Variants in XKR4 observed in about 807,000 individuals in gnomAD.
XKR4 encodes XK-related protein 4.
XKR4 carries 12 observed loss-of-function variants against 53.9 expected under a neutral mutation model. The ratio of observed to expected loss-of-function variants is 0.22; its 90% CI spans 0.14 to 0.36. The LOEUF (loss-of-function observed/expected upper bound fraction) is 0.36, where lower values mean the gene tolerates loss of function less well. Ranked by LOEUF, XKR4 falls within the 10% of genes least tolerant of loss-of-function variation. The pLI is 1.00. For synonymous variants in XKR4, 354 were observed against 362.4 expected, an observed-to-expected ratio of 0.98 and a Z score of 0.26; for missense variants, 799 against 859.5, an observed-to-expected ratio of 0.93 and a Z score of 0.88.
At chr8:55,460,003 C>G (rs1170697130) in intron 2 of XKR4, among the ~76,000 whole-genome samples, 1 of 130,056 alleles carries the variant, frequency 7.7e-6, no homozygotes, top group African/African-American at 2.7e-5. Flanking sequence ...TCATAATAGC[C>G]AAATGCTGAA....
At chr8:55,303,148 C>A (rs1470659527) in intron 1 of XKR4, among the ~76,000 whole-genome samples, 1 of 152,094 alleles carries the variant, frequency 6.6e-6, no homozygotes, top group Non-Finnish European at 1.5e-5. Flanking sequence ...ATAGATAGAT[C>A]TTATTATTTT....
chr8:55,529,770 T>G lies in XKR4; in HGVS notation c.*5543T>G, dbSNP rs558733261. The G allele has an allele frequency of 6.6e-6, 1 of 152,236 alleles. No individual in the cohort carries two copies. The highest frequency in any genetic ancestry group is 2.1e-4 in the South Asian group (1 of 4,816). 9.4% of individuals were successfully genotyped at this position (152,236 alleles called of 1,614,324 possible). On this transcript the variant is annotated 3_prime_UTR_variant, in exon 3 of 3. Coordinates refer to ENST00000327381, the MANE Select transcript of XKR4 (RefSeq NM_052898.2). Reference sequence around the variant, plus strand: ...ACAGAATCATGGTCTGATGATCAAATTTTTCCAAGAAAATTTTATTTAAAA... The same window carrying G: ...ACAGAATCATGGTCTGATGATCAAAGTTTTCCAAGAAAATTTTATTTAAAA...
At chr8:55,498,978 C>G (rs951139430) in intron 2 of XKR4, among the ~76,000 whole-genome samples, 4 of 152,236 alleles carry the variant, frequency 2.6e-5, no homozygotes, top group Non-Finnish European at 4.4e-5. Flanking sequence ...CAGTCTGCCT[C>G]AGGGGCAAGA....
Position 55,303,076 on chromosome 8 carries a change from G to A in XKR4, c.807-54602G>A, listed in dbSNP as rs576075907. 1.6e-4 allele frequency among the ~76,000 whole-genome samples: 25 copies of A among 152,290 alleles called. 1 individual carries two copies. The South Asian group carries it at 2.5e-3, about 15-fold the overall frequency. ...GAGAAGGCATCCATGTCTTGTGCCC[G>A]TTTTCAAAGGGAATGCTTCCAGTTT... On this transcript the variant is annotated intron_variant, in intron 1 of 2. Transcript: ENST00000327381.
At chr8:55,229,983 G>A (rs1308229298) in intron 1 of XKR4, among the ~76,000 whole-genome samples, 1 of 150,420 alleles carries the variant, frequency 6.6e-6, no homozygotes, top group African/African-American at 2.5e-5. Context: ...CTGCTCCTCC[G>A]TTGCCTGGTG....
intron 1 of XKR4, among the ~76,000 whole-genome samples, chr8:55,190,067 A>G (rs1817425018): frequency 6.6e-6 from 1 of 152,218 alleles, no homozygotes. Context: ...CACCTGAAAC[A>G]TTGGCTTTAA....
intron 1 of XKR4, among the ~76,000 whole-genome samples, chr8:55,303,648 G>A (rs934230709): frequency 7.9e-5 from 12 of 152,162 alleles, no homozygotes; most frequent in African/African-American, 2.7e-4. Context: ...TGGTTGGTAA[G>A]CTATTGATTA....
intron 2 of XKR4, among the ~76,000 whole-genome samples, chr8:55,502,112 T>C (rs1217904426): frequency 3.0e-4 from 45 of 152,212 alleles, no homozygotes; most frequent in Admixed American, 2.9e-3. Flanking sequence ...CCATCCTCTT[T>C]TTTCAAATAT....
At chr8:55,293,453 T>C (rs571274286) in intron 1 of XKR4, among the ~76,000 whole-genome samples, 3 of 152,326 alleles carry the variant, frequency 2.0e-5, no homozygotes, top group Admixed American at 2.0e-4. Context: ...TCTTATAAAA[T>C]TAGTGTAAGA....
intron 1 of XKR4, among the ~76,000 whole-genome samples, chr8:55,207,732 A>AGGAGGAAGAGGAAGAGGG (rs1283116636): frequency 2.0e-5 from 3 of 151,730 alleles, no homozygotes; most frequent in East Asian, 3.9e-4. Context: ...CATAAAGAAG[A>AGGAGGAAGAGGAAGAGGG]GGAGGAAGAG....
intron 1 of XKR4, among the ~76,000 whole-genome samples, chr8:55,246,147 G>A (rs1035695461): frequency 4.6e-5 from 7 of 152,120 alleles, no homozygotes; most frequent in Admixed American, 2.0e-4. Flanking sequence ...TTTAGGGATG[G>A]TGCCTACTTT....
intron 2 of XKR4, chr8:55,454,116 G>T: frequency 1.2e-6 from 1 of 837,918 alleles, no homozygotes; most frequent in Non-Finnish European, 2.1e-6. Flanking sequence ...ATGGGTGGAG[G>T]GAAGGCGAGG....
chr8:55,216,855 A>G (rs1817807045), intron 1 of XKR4, among the ~76,000 whole-genome samples: 1 of 152,096 alleles, frequency 6.6e-6, no homozygotes, highest in Non-Finnish European at 1.5e-5. Context: ...CTGGAGTAAG[A>G]TATTTGCCAT....
chr8:55,486,172 C>T (rs143182860), intron 2 of XKR4, among the ~76,000 whole-genome samples: 60 of 152,222 alleles, frequency 3.9e-4, no homozygotes, highest in African/African-American at 1.3e-3. Flanking sequence ...GGTATAAGTG[C>T]GCATCACTTT....
At chr8:55,267,048 G>A (rs1000246697) in intron 1 of XKR4, among the ~76,000 whole-genome samples, 1 of 152,162 alleles carries the variant, frequency 6.6e-6, no homozygotes, top group Non-Finnish European at 1.5e-5. Context: ...GAAAGATGGA[G>A]AAATCTGATG....
In XKR4 at chr8:55,539,351, TAAA is replaced by T. The variant is rs1210521118; in HGVS notation, c.*15127_*15129del. On this transcript the variant is annotated 3_prime_UTR_variant, in exon 3 of 3. Transcript: ENST00000327381. ...ATTGTGAAAAAAATGTGCACACTCT[TAAA>T]AACACAAAATGGGTTTCAGAAAGTT... is the stretch of plus-strand genomic sequence containing the variant. 1 of 152,192 alleles carries T rather than the reference TAAA, an allele frequency of 6.6e-6. No homozygotes were observed. The highest frequency in any genetic ancestry group is 1.5e-5 in the Non-Finnish European group (1 of 68,034). 9.4% of individuals were successfully genotyped at this position (152,192 alleles called of 1,614,324 possible). A position where few individuals can be genotyped will look rare whatever the true frequency, so the allele number is the denominator to read the frequency against.
rs959671798 is a variant in XKR4 at position 55,469,776 on chromosome 8, C to T, written c.1007-53505C>T. Reference sequence around the variant, plus strand: ...AGCCTGACTATAAGCTATGAGCTAACTAGGAACAAATCTTGTACTAAAGAT... The same window carrying T: ...AGCCTGACTATAAGCTATGAGCTAATTAGGAACAAATCTTGTACTAAAGAT... On this transcript the variant is annotated intron_variant, in intron 2 of 2. Transcript: ENST00000327381. Among the ~76,000 whole-genome samples the T allele has an allele frequency of 2.0e-5, 3 of 152,074 alleles. No homozygotes were observed. In the East Asian group the frequency reaches 5.8e-4, roughly 29 times the overall value.
intron 1 of XKR4, among the ~76,000 whole-genome samples, chr8:55,180,817 G>C (rs1018333062): frequency 2.0e-5 from 3 of 152,060 alleles, no homozygotes; most frequent in Non-Finnish European, 4.4e-5. Context: ...ACAGGTATAA[G>C]CCACCGCACC....
intron 2 of XKR4, among the ~76,000 whole-genome samples, chr8:55,464,451 A>T (rs564439234): frequency 8.5e-4 from 130 of 152,282 alleles, no homozygotes; most frequent in African/African-American, 2.8e-3. Context: ...AACTCTCAAT[A>T]AATTATGTAT....
Sources: gnomAD v4.1 joint callset for allele counts (sites outside exome capture counted in the v4.1 genomes callset) on GRCh38, gnomAD v4.1.1 for gene constraint, MANE v1.5 for transcripts, NCBI Gene and HGNC (gene_info 2026-07-23, HGNC 2026-07-21) for gene names.